The following PITPNC1 variants were observed in gnomAD, a reference collection of about 807,000 sequenced individuals.
PITPNC1 encodes the protein phosphatidylinositol transfer protein cytoplasmic 1.
PITPNC1 carries 18 observed loss-of-function variants against 44.7 expected under a neutral mutation model. That is an observed-to-expected ratio of 0.40 (90% confidence interval 0.28 to 0.60). PITPNC1 has a LOEUF of 0.60. PITPNC1 is among the 20% of genes least tolerant of loss of function. The pLI is 0.39. For synonymous variants in PITPNC1, 141 were observed against 149.6 expected (o/e 0.94, Z 0.42); for missense variants, 290 against 418.4 (o/e 0.69, Z 2.68).
intron 1 of PITPNC1, among the ~76,000 whole-genome samples, chr17:67,467,364 T>G (rs2039443919): frequency 6.6e-6 from 1 of 152,140 alleles, no homozygotes; most frequent in South Asian, 2.1e-4. Context: ...GGAGACTTTT[T>G]TTTTCTGAAC....
chr17:67,465,154 G>A (rs1261718870), intron 1 of PITPNC1, among the ~76,000 whole-genome samples: 3 of 152,190 alleles, frequency 2.0e-5, no homozygotes, highest in African/African-American at 4.8e-5. Context: ...CTGTGAAATC[G>A]GGATTTTAAG....
chr17:67,577,716 C>A (rs911364481), intron 4 of PITPNC1, among the ~76,000 whole-genome samples: 20 of 151,750 alleles, frequency 1.3e-4, no homozygotes, highest in African/African-American at 4.6e-4. Flanking sequence ...AAAGCCAGGT[C>A]TGTCTGACTT....
intron 4 of PITPNC1, among the ~76,000 whole-genome samples, chr17:67,564,161 G>GTGGATGGATGGA (rs113903369): frequency 3.4e-5 from 5 of 148,556 alleles, no homozygotes; most frequent in Middle Eastern, 3.4e-3. Context: ...GGTAGATTGG[G>GTGGATGGATGGA]TGGATGGATG....
chr17:67,504,046 A>C (rs2040070143), intron 1 of PITPNC1, among the ~76,000 whole-genome samples: 1 of 152,158 alleles, frequency 6.6e-6, no homozygotes, highest in Non-Finnish European at 1.5e-5. Context: ...ACTCCAGAGA[A>C]CAACTTGATT....
intron 5 of PITPNC1, among the ~76,000 whole-genome samples, chr17:67,627,480 G>T (rs1392634183): frequency 1.3e-5 from 2 of 152,182 alleles, no homozygotes; most frequent in Admixed American, 6.5e-5. Flanking sequence ...AGGATGCCTT[G>T]GTGGCTTCTA....
chr17:67,514,114 G>A (rs1283679163), intron 1 of PITPNC1, among the ~76,000 whole-genome samples: 2 of 152,148 alleles, frequency 1.3e-5, no homozygotes, highest in Admixed American at 1.3e-4. Flanking sequence ...CTGTGAGGGA[G>A]AGACTGTGTG....
At chr17:67,465,393 T>C (rs572381975) in intron 1 of PITPNC1, among the ~76,000 whole-genome samples, 2 of 152,324 alleles carry the variant, frequency 1.3e-5, no homozygotes, top group South Asian at 2.1e-4. Flanking sequence ...TGTGCCGTGA[T>C]GGTAGCACCG....
intron 5 of PITPNC1, among the ~76,000 whole-genome samples, chr17:67,588,293 C>A (rs542275549): frequency 1.3e-5 from 2 of 152,174 alleles, no homozygotes; most frequent in Admixed American, 6.5e-5. Context: ...CGTGAGCCAC[C>A]GTGCCCAGCC....
At chr17:67,421,885 A>T (rs2038676878) in intron 1 of PITPNC1, among the ~76,000 whole-genome samples, 1 of 152,166 alleles carries the variant, frequency 6.6e-6, no homozygotes, top group South Asian at 2.1e-4. Flanking sequence ...GATGGGACTC[A>T]CCCTCTAACA....
intron 1 of PITPNC1, among the ~76,000 whole-genome samples, chr17:67,469,702 C>G (rs2039486267): frequency 1.3e-5 from 2 of 152,034 alleles, no homozygotes; most frequent in African/African-American, 4.8e-5. Context: ...AGAATTGTTC[C>G]CCTCTGCTCT....
chr17:67,465,761 T>C (rs777114590), intron 1 of PITPNC1, among the ~76,000 whole-genome samples: 258 of 152,280 alleles, frequency 1.7e-3, no homozygotes, highest in Middle Eastern at 0.014. Context: ...CTGGAAATTC[T>C]CTTCCTGGGA....
At chr17:67,608,317 G>A in intron 5 of PITPNC1, among the ~76,000 whole-genome samples, 1 of 150,448 alleles carries the variant, frequency 6.6e-6, no homozygotes, top group East Asian at 1.9e-4. Context: ...GCAGGAGAAT[G>A]GCCTGAGCCC....
At chr17:67,661,276 C>G (rs1438510016) in intron 6 of PITPNC1, among the ~76,000 whole-genome samples, 1 of 152,066 alleles carries the variant, frequency 6.6e-6, no homozygotes, top group Non-Finnish European at 1.5e-5. Context: ...AGAAATGTCA[C>G]CCACAGTCAA....
chr17:67,531,001 G>C (rs2040453788), intron 1 of PITPNC1, among the ~76,000 whole-genome samples: 2 of 152,178 alleles, frequency 1.3e-5, no homozygotes, highest in South Asian at 2.1e-4. Flanking sequence ...CCAGCACTTT[G>C]AGAGGCTGAA....
At chr17:67,605,170 C>T (rs957918118) in intron 5 of PITPNC1, among the ~76,000 whole-genome samples, 6 of 152,132 alleles carry the variant, frequency 3.9e-5, no homozygotes, top group Non-Finnish European at 5.9e-5. Context: ...AAAGCTGAAC[C>T]GAGAGCTCTA....
chr17:67,493,388 C>T (rs1161714874), intron 1 of PITPNC1, among the ~76,000 whole-genome samples: 2 of 152,196 alleles, frequency 1.3e-5, no homozygotes, highest in Non-Finnish European at 2.9e-5. Context: ...GCTGTCGTAT[C>T]CTCCATCTCG....
chr17:67,491,024 A>G (rs2039857815), intron 1 of PITPNC1, among the ~76,000 whole-genome samples: 1 of 152,240 alleles, frequency 6.6e-6, no homozygotes, highest in Admixed American at 6.5e-5. Flanking sequence ...GCCAGGGTCT[A>G]TTAGTGTAGA....
At chr17:67,509,068 T>C (rs999208183) in intron 1 of PITPNC1, among the ~76,000 whole-genome samples, 1 of 151,330 alleles carries the variant, frequency 6.6e-6, no homozygotes, top group African/African-American at 2.4e-5. Flanking sequence ...ACTCCGTCTC[T>C]ACTAAAAATA....
chr17:67,659,675 A>G (rs554338236), intron 6 of PITPNC1, among the ~76,000 whole-genome samples: 1 of 152,242 alleles, frequency 6.6e-6, no homozygotes, highest in East Asian at 1.9e-4. Context: ...CCATCTTTGG[A>G]GATGTATGGT....
Sources: allele counts gnomAD v4.1 joint callset (sites outside exome capture counted in the v4.1 genomes callset), GRCh38; gene constraint gnomAD v4.1.1; transcripts MANE v1.5; gene names NCBI Gene and HGNC (gene_info 2026-07-23, HGNC 2026-07-21).